The following ANO3 variants were observed in gnomAD, a reference collection of about 807,000 sequenced individuals.
ANO3 encodes anoctamin-3.
A neutral mutation model predicts 144.8 loss-of-function variants in ANO3; 99 were observed. The observed-to-expected ratio is 0.68, with a 90% CI of 0.58 to 0.81. ANO3 has a LOEUF of 0.81. Ranked by LOEUF, ANO3 falls within the 30% of genes least tolerant of loss-of-function variation. The pLI is 0.00. For synonymous variants in ANO3, 414 were observed against 392.6 expected (o/e 1.05, Z -0.64); for missense variants, 905 against 1,202.2 (o/e 0.75, Z 3.66).
intron 11 of ANO3, among the ~76,000 whole-genome samples, chr11:26,543,417 G>C (rs1419066662): frequency 6.6e-6 from 1 of 151,650 alleles, no homozygotes; most frequent in Non-Finnish European, 1.5e-5. Flanking sequence ...ATGTGGATCT[G>C]GAGACACAGA....
intron 3 of ANO3, among the ~76,000 whole-genome samples, chr11:26,455,695 C>A (rs1219999983): frequency 6.7e-6 from 1 of 148,468 alleles, no homozygotes; most frequent in Admixed American, 6.8e-5. Flanking sequence ...CTACCAATGA[C>A]TTTCTTCACA....
intron 1 of ANO3, among the ~76,000 whole-genome samples, chr11:26,242,208 G>A (rs770615025): frequency 5.3e-5 from 8 of 151,986 alleles, no homozygotes; most frequent in Admixed American, 2.0e-4. Flanking sequence ...TCTTCCCTTC[G>A]CCTAAATGTC....
intron 1 of ANO3, among the ~76,000 whole-genome samples, chr11:26,314,941 T>A (rs1429560354): frequency 6.6e-6 from 1 of 152,198 alleles, no homozygotes; most frequent in Non-Finnish European, 1.5e-5. Flanking sequence ...TCCATCATCA[T>A]CAAGCCATTC....
chr11:26,397,699 G>A (rs1857051412), intron 1 of ANO3, among the ~76,000 whole-genome samples: 1 of 151,940 alleles, frequency 6.6e-6, no homozygotes. Flanking sequence ...TTTGTGTTGG[G>A]AACATTCAGT....
intron 3 of ANO3, among the ~76,000 whole-genome samples, chr11:26,455,289 T>C (rs1157516169): frequency 6.7e-6 from 1 of 150,182 alleles, no homozygotes; most frequent in Non-Finnish European, 1.5e-5. Context: ...AAATTGTCCC[T>C]GTTTGCAGAC....
At chr11:26,614,475 C>A (rs2132977555) in intron 17 of ANO3, among the ~76,000 whole-genome samples, 1 of 152,154 alleles carries the variant, frequency 6.6e-6, no homozygotes, top group Non-Finnish European at 1.5e-5. Context: ...GATACTGATC[C>A]CCAGGGCAAG....
At chr11:26,637,352 T>G (rs117667789) in intron 20 of ANO3, among the ~76,000 whole-genome samples, 4,195 of 152,236 alleles carry the variant, frequency 0.028, 103 homozygotes, top group Middle Eastern at 0.044. Flanking sequence ...AACCCACACT[T>G]CAAGGCAGCA....
intron 1 of ANO3, among the ~76,000 whole-genome samples, chr11:26,220,075 A>G (rs562209581): frequency 6.6e-6 from 1 of 152,326 alleles, no homozygotes; most frequent in African/African-American, 2.4e-5. Context: ...GAGAAGAGGA[A>G]GGTCAGCTAA....
intron 1 of ANO3, among the ~76,000 whole-genome samples, chr11:26,201,047 A>G (rs1851682846): frequency 1.3e-5 from 2 of 152,106 alleles, no homozygotes; most frequent in African/African-American, 4.8e-5. Flanking sequence ...AAGATCTTCA[A>G]AGATGTCCAA....
Position 26,246,552 on chromosome 11 carries a change from C to T in ANO3, c.154+57222C>T, listed in dbSNP as rs182990615. Reference sequence around the variant, plus strand: ...GTAAGTTTTCATGTACTGTTCATGTCTTTTGCTTAATTTTCTTTTGAATTT... The same window carrying T: ...GTAAGTTTTCATGTACTGTTCATGTTTTTTGCTTAATTTTCTTTTGAATTT... On this transcript the variant is annotated intron_variant, in intron 1 of 27. Coordinates refer to the ANO3 transcript ENST00000672621. Among the ~76,000 whole-genome samples the T allele has an allele frequency of 2.8e-3, 425 of 149,800 alleles. 1 individual carries two copies. The highest frequency in any genetic ancestry group is 5.2e-3 in the Non-Finnish European group (353 of 67,592).
At chr11:26,300,343 C>T (rs766713027) in intron 1 of ANO3, among the ~76,000 whole-genome samples, 8 of 152,066 alleles carry the variant, frequency 5.3e-5, no homozygotes, top group Non-Finnish European at 1.2e-4. Context: ...CCTTTTGGCT[C>T]CATCTCTCTC....
chr11:26,336,886 G>A (rs1855208090), intron 1 of ANO3, among the ~76,000 whole-genome samples: 1 of 152,108 alleles, frequency 6.6e-6, no homozygotes, highest in South Asian at 2.1e-4. Context: ...ATTCTAAGTT[G>A]TATAGGAAAA....
At position 26,385,576 on chromosome 11, in the gene ANO3, T is replaced by C. The variant is rs181693636; in HGVS notation, c.46+53255T>C. 4.1e-3 allele frequency among the ~76,000 whole-genome samples: 618 copies of C among 152,206 alleles called. 1 individual carries two copies. Among genetic ancestry groups the C allele is most frequent in the African/African-American group, 0.014 (584 of 41,520 alleles). On this transcript the variant is annotated intron_variant, in intron 1 of 26. Transcript: ENST00000256737. ...CGCAGTGTAGCATCCTCAAATCTCT[T>C]TAAATGTCTAACCTCTGCTTCCATC... is the stretch of plus-strand genomic sequence containing the variant.
At chr11:26,206,730 C>A (rs780142599) in intron 1 of ANO3, among the ~76,000 whole-genome samples, 8 of 152,110 alleles carry the variant, frequency 5.3e-5, no homozygotes, top group Non-Finnish European at 8.8e-5. Context: ...TTTTGGCATG[C>A]AATAAGTGCA....
At chr11:26,254,143 T>C (rs756751018) in intron 1 of ANO3, among the ~76,000 whole-genome samples, 1 of 152,154 alleles carries the variant, frequency 6.6e-6, no homozygotes, top group African/African-American at 2.4e-5. Flanking sequence ...AAGTGTTTCC[T>C]TCCAAGCTGG....
At chr11:26,310,645 G>A (rs945889769) in intron 1 of ANO3, among the ~76,000 whole-genome samples, 4 of 152,174 alleles carry the variant, frequency 2.6e-5, no homozygotes, top group Non-Finnish European at 2.9e-5. Flanking sequence ...CCATGTGTGT[G>A]TTGTGTGAAT....
intron 3 of ANO3, among the ~76,000 whole-genome samples, chr11:26,444,458 A>G (rs1858634493): frequency 6.6e-6 from 1 of 152,254 alleles, no homozygotes; most frequent in Non-Finnish European, 1.5e-5. Context: ...GCCTTAACAC[A>G]TAACCTGAAG....
Position 26,448,295 on chromosome 11 carries a change from G to A in ANO3, c.313+4459G>A, listed in dbSNP as rs576964704. On this transcript the variant is annotated intron_variant, in intron 3 of 26. Transcript: ENST00000256737. Reference sequence around the variant, plus strand: ...GCCTGGGCAACAAAAGCGTAACTCCGTCTCAAAAAAAAAAAAAAAAGAAAG... The same window carrying A: ...GCCTGGGCAACAAAAGCGTAACTCCATCTCAAAAAAAAAAAAAAAAGAAAG... Among the ~76,000 whole-genome samples the A allele has an allele frequency of 7.6e-4, 58 of 76,256 alleles. No individual in the cohort carries two copies. In the South Asian group the frequency reaches 0.033, roughly 43 times the overall value. 50.0% of individuals were successfully genotyped at this position (76,256 alleles called of 152,430 possible).
Position 26,641,989 on chromosome 11 carries a change from C to T in ANO3, c.2235C>T (p.Pro745=), listed in dbSNP as rs1426109283. ...GGGAAAATGATTGGAATCTGCAGCC[C>T]ATGAACCTTCATGGACTGATGGATG... ...PQWENDWNLQ[P]MNLHGLMDEY... Residue 745 remains proline (P), a synonymous_variant, in exon 22 of 27, where the codon CCC becomes CCT. Transcript: ENST00000256737. 3.1e-6 allele frequency: 5 copies of T among 1,613,784 alleles called. No homozygotes were observed. Among genetic ancestry groups the T allele is most frequent in the Non-Finnish European group, 3.4e-6 (4 of 1,179,948 alleles).
Sources: allele counts gnomAD v4.1 joint callset (sites outside exome capture counted in the v4.1 genomes callset), GRCh38; gene constraint gnomAD v4.1.1; transcripts MANE v1.5; gene names NCBI Gene and HGNC (gene_info 2026-07-23, HGNC 2026-07-21).